FCHSD2: variants seen among roughly 807,000 people sequenced by gnomAD.
FCHSD2 encodes the protein F-BAR and double SH3 domains protein 2.
In FCHSD2, 38 loss-of-function variants were observed where a neutral mutation model predicts 108.1. That is an observed-to-expected ratio of 0.35 (90% CI 0.27 to 0.46). The LOEUF (loss-of-function observed/expected upper bound fraction) is 0.46, where lower values mean the gene tolerates loss of function less well. FCHSD2 is among the 20% of genes least tolerant of loss of function. The pLI is 1.00. For synonymous variants in FCHSD2, 279 were observed against 314.7 expected, an observed-to-expected ratio of 0.89 and a Z score of 1.20; for missense variants, 751 against 897.8, an observed-to-expected ratio of 0.84 and a Z score of 2.09.
chr11:73,109,002 A>G (rs997308190), intron 2 of FCHSD2, among the ~76,000 whole-genome samples: 1 of 152,162 alleles, frequency 6.6e-6, no homozygotes, highest in Non-Finnish European at 1.5e-5. Flanking sequence ...TCCTTTCCTC[A>G]ATGTATGTTC....
At chr11:73,070,543 C>A (rs946187200) in intron 3 of FCHSD2, among the ~76,000 whole-genome samples, 5 of 152,144 alleles carry the variant, frequency 3.3e-5, no homozygotes, top group Middle Eastern at 3.2e-3. Context: ...CCTGCCTCAG[C>A]CTCCTGAGTA....
At position 73,035,149 on chromosome 11, in the gene FCHSD2, T is replaced by TG. The variant is rs1174416795; in HGVS notation, c.166-19265_166-19264insC. On this transcript the variant is annotated intron_variant, in intron 3 of 19. Coordinates refer to ENST00000409418, the MANE Select transcript of FCHSD2 (RefSeq NM_014824.3). ...ATTTAACTTGTTTTTAGTTTTTATT[T>TG]TTATGTATGTATGTATGTATGTATG... 2.0e-3 allele frequency among the ~76,000 whole-genome samples: 287 copies of TG among 144,310 alleles called. 1 individual carries two copies. The highest frequency in any genetic ancestry group is 6.9e-3 in the Middle Eastern group (2 of 290). 94.7% of individuals were successfully genotyped at this position (144,310 alleles called of 152,430 possible).
intron 8 of FCHSD2, among the ~76,000 whole-genome samples, chr11:72,928,017 C>T (rs937692153): frequency 1.3e-5 from 2 of 152,100 alleles, no homozygotes; most frequent in African/African-American, 4.8e-5. Flanking sequence ...CCACATACTC[C>T]ACAGGACATA....
Position 73,138,096 on chromosome 11 carries a change from A to C in FCHSD2, c.119+1935T>G, listed in dbSNP as rs142891668. Among the ~76,000 whole-genome samples the C allele has an allele frequency of 2.7e-3, 411 of 152,338 alleles. 2 individuals are homozygous for C. Among genetic ancestry groups the C allele is most frequent in the African/African-American group, 9.4e-3 (392 of 41,566 alleles). ...AATGTGATGGATCAGCAATAATACA[A>C]ACTAAGCAACAGCAACAGGAGCAAC... is the stretch of plus-strand genomic sequence containing the variant. On this transcript the variant is annotated intron_variant, in intron 2 of 19. Transcript: ENST00000409418.
In FCHSD2 at chr11:73,123,446, T is replaced by C. The variant is rs1860781475; in HGVS notation, c.119+16585A>G. 2.0e-5 allele frequency among the ~76,000 whole-genome samples: 3 copies of C among 152,202 alleles called. No individual in the cohort carries two copies. The South Asian group carries it at 6.2e-4, about 31-fold the overall frequency. On this transcript the variant is annotated intron_variant, in intron 2 of 19. Coordinates refer to ENST00000409418, the MANE Select transcript of FCHSD2 (RefSeq NM_014824.3). ...AAATGAGAATCATATGCTATGGCTT[T>C]TTATATATGCGCAGGCCTCTCCCAA...
At chr11:73,049,490 TAAG>T (rs960048347) in intron 3 of FCHSD2, among the ~76,000 whole-genome samples, 6 of 132,406 alleles carry the variant, frequency 4.5e-5, no homozygotes, top group African/African-American at 8.6e-5. Flanking sequence ...TAGAAAGAGA[TAAG>T]AAGTATAAAA....
At chr11:72,976,504 G>T (rs573529) in intron 8 of FCHSD2, among the ~76,000 whole-genome samples, 149,023 of 152,234 alleles carry the variant, frequency 0.98, 73,233 homozygotes, top group Middle Eastern at 1. Flanking sequence ...GGTCTCAAAC[G>T]CTTGGACTCA....
chr11:72,986,507 C>A (rs1046009163), intron 6 of FCHSD2, among the ~76,000 whole-genome samples: 3 of 152,172 alleles, frequency 2.0e-5, no homozygotes, highest in African/African-American at 7.2e-5. Context: ...CCGTGCCCGG[C>A]CCCAATTATT....
intron 3 of FCHSD2, among the ~76,000 whole-genome samples, chr11:73,060,579 G>T (rs1859137140): frequency 1.3e-5 from 2 of 152,154 alleles, no homozygotes; most frequent in Admixed American, 6.5e-5. Flanking sequence ...ATCTAAGAAA[G>T]ACTTTGCATG....
intron 12 of FCHSD2, among the ~76,000 whole-genome samples, chr11:72,883,931 CAAA>C (rs34998210): frequency 5.4e-5 from 4 of 74,550 alleles, no homozygotes. Context: ...GACCGTGTCT[CAAA>C]AAAAAAAAAA....
intron 4 of FCHSD2, among the ~76,000 whole-genome samples, chr11:73,003,504 T>TTTTTTTA (rs1437541712): frequency 2.0e-5 from 3 of 151,046 alleles, no homozygotes; most frequent in African/African-American, 7.3e-5. Context: ...TTTTTTTTTT[T>TTTTTTTA]GAGACGGAGT....
At chr11:72,941,812 T>C (rs1239763053) in intron 8 of FCHSD2, among the ~76,000 whole-genome samples, 1 of 152,182 alleles carries the variant, frequency 6.6e-6, no homozygotes, top group Admixed American at 6.5e-5. Context: ...AACCAATCTT[T>C]GTTTTTGACC....
At chr11:73,129,902 T>A (rs1591578790) in intron 2 of FCHSD2, among the ~76,000 whole-genome samples, 2 of 138,986 alleles carry the variant, frequency 1.4e-5, no homozygotes, top group East Asian at 2.1e-4. Context: ...TGAGACAGAG[T>A]CTCGCTCTGT....
At chr11:73,025,980 T>C (rs1188751392) in intron 3 of FCHSD2, among the ~76,000 whole-genome samples, 6 of 151,024 alleles carry the variant, frequency 4.0e-5, no homozygotes. Context: ...TAAAGAATTA[T>C]AGAGATTCAT....
At chr11:73,055,737 G>C (rs181786694) in intron 3 of FCHSD2, among the ~76,000 whole-genome samples, 308 of 152,196 alleles carry the variant, frequency 2.0e-3, no homozygotes, top group African/African-American at 7.0e-3. Context: ...CTGTAGAGTA[G>C]AAAAGCAGAA....
intron 3 of FCHSD2, among the ~76,000 whole-genome samples, chr11:73,056,927 A>C (rs1367897572): frequency 6.6e-6 from 1 of 151,844 alleles, no homozygotes; most frequent in African/African-American, 2.4e-5. Flanking sequence ...CTAAAAATAC[A>C]AAAAAATTAG....
chr11:73,021,651 C>A (rs1858107902), intron 3 of FCHSD2, among the ~76,000 whole-genome samples: 1 of 151,970 alleles, frequency 6.6e-6, no homozygotes, highest in South Asian at 2.1e-4. Flanking sequence ...GTACAACAAA[C>A]CCCTGTGACA....
intron 5 of FCHSD2, among the ~76,000 whole-genome samples, chr11:72,991,906 G>C (rs893287294): frequency 1.3e-5 from 2 of 152,130 alleles, no homozygotes; most frequent in African/African-American, 4.8e-5. Flanking sequence ...GGAAGTTCTG[G>C]CCAGGGCAAT....
At chr11:73,090,256 C>T (rs1191729769) in intron 2 of FCHSD2, among the ~76,000 whole-genome samples, 1 of 124,702 alleles carries the variant, frequency 8.0e-6, no homozygotes. Context: ...GACGGAGTCT[C>T]GCTCTGTCGC....
Sources: allele counts gnomAD v4.1 joint callset (sites outside exome capture counted in the v4.1 genomes callset), GRCh38; gene constraint gnomAD v4.1.1; transcripts MANE v1.5; gene names NCBI Gene and HGNC (gene_info 2026-07-23, HGNC 2026-07-21).